SKI: variants seen among roughly 807,000 people sequenced by gnomAD.
SKI encodes SKI proto-oncogene.
SKI carries 23 observed loss-of-function variants against 59.3 expected under a neutral mutation model. That is an observed-to-expected ratio of 0.39 (90% CI 0.28 to 0.55). SKI has a LOEUF of 0.55. Ranked by LOEUF, SKI falls within the 20% of genes least tolerant of loss-of-function variation. The pLI is 0.67. For synonymous variants in SKI, 673 were observed against 488.6 expected (o/e 1.38, Z -4.98); for missense variants, 1,017 against 1,038.9 (o/e 0.98, Z 0.29).
intron 1 of SKI, among the ~76,000 whole-genome samples, chr1:2,237,744 A>G (rs1638782849): frequency 6.6e-6 from 1 of 152,264 alleles, no homozygotes; most frequent in Non-Finnish European, 1.5e-5. Context: ...TAAGGCCCAT[A>G]GGCTGGGTCC....
chr1:2,287,110 C>T lies in SKI; in HGVS notation c.970-15868C>T, dbSNP rs541558036. On this transcript the variant is annotated intron_variant, in intron 1 of 6. Coordinates refer to ENST00000378536, the MANE Select transcript of SKI (RefSeq NM_003036.4). ...AGGCCCCACAGCAGCCAGCTCTGGG[C>T]GAAAATCTAGAGGGCCCCTGCGCAC... 1.2e-4 allele frequency among the ~76,000 whole-genome samples: 19 copies of T among 152,178 alleles called. No homozygotes were observed. The South Asian group carries it at 2.1e-3, about 17-fold the overall frequency.
At chr1:2,243,956 T>TTTTCTTTCTTTC (rs372786242) in intron 1 of SKI, among the ~76,000 whole-genome samples, 96 of 151,758 alleles carry the variant, frequency 6.3e-4, no homozygotes, top group Admixed American at 7.9e-4. Context: ...TTACCCAAAC[T>TTTTCTTTCTTTC]TTTCTTTCTT....
chr1:2,279,874 T>G (rs1639834333), intron 1 of SKI, among the ~76,000 whole-genome samples: 1 of 152,116 alleles, frequency 6.6e-6, no homozygotes, highest in African/African-American at 2.4e-5. Flanking sequence ...TTTACACCAG[T>G]GTGGGCATCC....
chr1:2,264,762 AG>A (rs1639463443), intron 1 of SKI, among the ~76,000 whole-genome samples: 1 of 152,022 alleles, frequency 6.6e-6, no homozygotes, highest in Admixed American at 6.6e-5. Context: ...GCTTCCAGAG[AG>A]AGATCTGCTC....
chr1:2,250,540 C>T (rs1179198055), intron 1 of SKI, among the ~76,000 whole-genome samples: 1 of 152,264 alleles, frequency 6.6e-6, no homozygotes, highest in African/African-American at 2.4e-5. Context: ...TCCCTGAGCT[C>T]AGCTGCTGCT....
chr1:2,266,699 A>T (rs1170413974), intron 1 of SKI, among the ~76,000 whole-genome samples: 1 of 152,112 alleles, frequency 6.6e-6, no homozygotes, highest in Non-Finnish European at 1.5e-5. Flanking sequence ...ATCGCAGTCC[A>T]TGAGTGACCT....
Position 2,271,355 on chromosome 1 carries a change from A to C in SKI, c.970-31623A>C, listed in dbSNP as rs573714576. Among the ~76,000 whole-genome samples the C allele has an allele frequency of 5.9e-4, 89 of 152,086 alleles. No homozygotes were observed. The South Asian group carries it at 0.018, about 30-fold the overall frequency. On this transcript the variant is annotated intron_variant, in intron 1 of 6. Transcript: ENST00000378536. ...CCTGTCCAGGCCAGAGAAACCAGGC[A>C]GCCTCTCCCGCCGGGAGAGGTCCCC... is the stretch of plus-strand genomic sequence containing the variant.
In SKI at chr1:2,243,202, G is replaced by A. The variant is rs16824928; in HGVS notation, c.969+13467G>A. Among the ~76,000 whole-genome samples the A allele has an allele frequency of 5.0e-3, 761 of 152,372 alleles. 4 individuals are homozygous for A. The highest frequency in any genetic ancestry group is 0.017 in the African/African-American group (705 of 41,596). On this transcript the variant is annotated intron_variant, in intron 1 of 6. Coordinates refer to ENST00000378536, the MANE Select transcript of SKI (RefSeq NM_003036.4). ...TTACTTAGTGTCTGGGGCATGGGCC[G>A]TGTTTTGGTATCGCAAGAGATGCTT...
intron 1 of SKI, among the ~76,000 whole-genome samples, chr1:2,243,873 G>T (rs1377942891): frequency 6.6e-6 from 1 of 152,146 alleles, no homozygotes; most frequent in Admixed American, 6.5e-5. Context: ...TTCTGTGTGT[G>T]CTTAGATCTT....
chr1:2,280,371 G>C (rs1639846261), intron 1 of SKI, among the ~76,000 whole-genome samples: 1 of 140,970 alleles, frequency 7.1e-6, no homozygotes, highest in South Asian at 2.3e-4. Flanking sequence ...GCAAGCGTCT[G>C]TCTCAAAAAA....
chr1:2,243,666 C>T (rs1320905186), intron 1 of SKI, among the ~76,000 whole-genome samples: 1 of 152,202 alleles, frequency 6.6e-6, no homozygotes, highest in Non-Finnish European at 1.5e-5. Flanking sequence ...CGTCCCAACA[C>T]TCCCTGTCAT....
At chr1:2,264,801 C>T (rs1639464665) in intron 1 of SKI, among the ~76,000 whole-genome samples, 1 of 151,794 alleles carries the variant, frequency 6.6e-6, no homozygotes, top group Middle Eastern at 3.2e-3. Context: ...CATGCCTCTT[C>T]TTTTTTTCTT....
At chr1:2,288,835 T>C (rs1484958167) in intron 1 of SKI, among the ~76,000 whole-genome samples, 1 of 152,108 alleles carries the variant, frequency 6.6e-6, no homozygotes, top group Non-Finnish European at 1.5e-5. Context: ...TTCGTCTTCA[T>C]CCTTTGATCC....
chr1:2,229,824 G>C lies in SKI; in HGVS notation c.969+89G>C. 6.5e-7 allele frequency: 1 copy of C among 1,543,242 alleles called. No homozygotes were observed. Among genetic ancestry groups the C allele is most frequent in the East Asian group, 2.5e-5 (1 of 40,796 alleles). On this transcript the variant is annotated intron_variant, in intron 1 of 6. Transcript: ENST00000378536. This position sits in a 1 kb window ranked among gnomAD's most constrained non-coding sequence, Gnocchi z 6.3. The stretch of plus-strand genomic sequence containing the variant: ...ACAGGCTCTGGTCTCCGAAGGCTGG[G>C]ACCTGTGCTTCTGCCGTGCCCCATG...
At chr1:2,254,365 A>T (rs750455731) in intron 1 of SKI, among the ~76,000 whole-genome samples, 1 of 151,394 alleles carries the variant, frequency 6.6e-6, no homozygotes, top group Admixed American at 6.6e-5. Context: ...TGCTTGGGGG[A>T]CTCTGCTGCA....
intron 1 of SKI, among the ~76,000 whole-genome samples, chr1:2,296,300 T>C (rs1569844395): frequency 6.6e-6 from 1 of 150,874 alleles, no homozygotes; most frequent in Non-Finnish European, 1.5e-5. Flanking sequence ...GAGGCTGAGG[T>C]AGGAGGATTG....
intron 1 of SKI, among the ~76,000 whole-genome samples, chr1:2,234,112 G>T (rs955089520): frequency 1.3e-5 from 2 of 152,164 alleles, no homozygotes; most frequent in Non-Finnish European, 2.9e-5. Context: ...TGCGGGTTTG[G>T]GCTGGTCTGC....
At position 2,229,878 on chromosome 1, in the gene SKI, A is replaced by G; in HGVS notation, c.969+143A>G. On this transcript the variant is annotated intron_variant, in intron 1 of 6. Transcript: ENST00000378536. The surrounding 1 kb of genome is among the most constrained non-coding windows in gnomAD (Gnocchi z 6.3). Reference sequence around the variant, plus strand: ...CCAGTCTTCGCTTTGTTTTAGGGAAATTCAGAGTGTTCCGACTGGCAGGGC... The same window carrying G: ...CCAGTCTTCGCTTTGTTTTAGGGAAGTTCAGAGTGTTCCGACTGGCAGGGC... The G allele has an allele frequency of 2.8e-6, 4 of 1,445,720 alleles. No individual in the cohort carries two copies. Among genetic ancestry groups the G allele is most frequent in the Non-Finnish European group, 3.7e-6 (4 of 1,074,388 alleles). 89.6% of individuals were successfully genotyped at this position (1,445,720 alleles called of 1,614,324 possible). A position where few individuals can be genotyped will look rare whatever the true frequency, so the allele number is the denominator to read the frequency against.
chr1:2,250,653 G>C (rs976873227), intron 1 of SKI, among the ~76,000 whole-genome samples: 21 of 152,208 alleles, frequency 1.4e-4, no homozygotes. Context: ...CCTTCATTCT[G>C]AATTTCTAAA....
Sources: allele counts gnomAD v4.1 joint callset (sites outside exome capture counted in the v4.1 genomes callset), GRCh38; gene constraint gnomAD v4.1.1; non-coding constraint Gnocchi (gnomAD v3.1); transcripts MANE v1.5; gene names NCBI Gene and HGNC (gene_info 2026-07-23, HGNC 2026-07-21).